Variants in PHF10 observed in about 807,000 individuals in gnomAD.
The protein encoded by PHF10 is PHD finger protein 10, also known as BRG1-associated factor 45a.
PHF10 carries 51 observed loss-of-function variants against 68.5 expected under a neutral mutation model. The observed-to-expected ratio is 0.74, with a 90% CI of 0.59 to 0.94. PHF10 has a LOEUF of 0.94. PHF10 is among the 40% of genes least tolerant of loss of function. The probability of loss-of-function intolerance (pLI) is 0.00; values close to 1 mark genes in which losing one functional copy is unlikely to be tolerated. For missense variants in PHF10, 460 were observed against 602.6 expected (o/e 0.76, Z 2.48); for synonymous variants, 204 against 203.5 (o/e 1.00, Z -0.02).
intron 7 of PHF10, among the ~76,000 whole-genome samples, chr6:169,713,651 G>T (rs1271554102): frequency 2.0e-5 from 3 of 151,312 alleles, no homozygotes; most frequent in African/African-American, 7.3e-5. Context: ...TGCTGCTCAT[G>T]ATTTAAATTT....
chr6:169,706,529 CACATGGA>C (rs1022723808), intron 9 of PHF10, among the ~76,000 whole-genome samples: 25 of 152,030 alleles, frequency 1.6e-4, no homozygotes, highest in African/African-American at 5.8e-4. Flanking sequence ...TATTTGGTTA[CACATGGA>C]AATGACAAAG....
chr6:169,705,480 T>C, intron 10 of PHF10, 136 bp downstream of exon 10: 1 of 708,914 alleles, frequency 1.4e-6, no homozygotes, highest in Non-Finnish European at 2.5e-6. Context: ...ACATGGGCTG[T>C]GTCTATGCCT....
Position 169,716,100 on chromosome 6 carries a change from C to CA in PHF10, c.410-13dup, listed in dbSNP as rs778605441. ...CAATGCTGTTAAGCCTATTTTAGAC[C>CA]AAAAAATAAAAAAATAAAGAAGCTC... is the stretch of plus-strand genomic sequence containing the variant. On this transcript the variant is annotated splice_polypyrimidine_tract_variant and intron_variant, in intron 4 of 11. Coordinates refer to ENST00000339209, the MANE Select transcript of PHF10 (RefSeq NM_018288.4). 3 of 1,517,604 alleles carry CA rather than the reference C, an allele frequency of 2.0e-6. No individual in the cohort carries two copies. The highest frequency in any genetic ancestry group is 8.9e-7 in the Non-Finnish European group (1 of 1,129,672). 94.0% of individuals were successfully genotyped at this position (1,517,604 alleles called of 1,614,324 possible).
chr6:169,722,952 C>G (rs1324080205), intron 1 of PHF10, among the ~76,000 whole-genome samples: 1 of 152,208 alleles, frequency 6.6e-6, no homozygotes, highest in Non-Finnish European at 1.5e-5. Context: ...AATCTAGTTA[C>G]TTCCATTGAC....
intron 7 of PHF10, among the ~76,000 whole-genome samples, chr6:169,713,317 G>A (rs548952175): frequency 1.3e-5 from 2 of 152,274 alleles, no homozygotes; most frequent in East Asian, 1.9e-4. Flanking sequence ...AAAAATTAAA[G>A]GCCGGGTGCA....
chr6:169,705,937 G>T (rs1240103679), intron 9 of PHF10, among the ~76,000 whole-genome samples: 2 of 152,150 alleles, frequency 1.3e-5, no homozygotes, highest in African/African-American at 4.8e-5. Context: ...TAAACAGCAT[G>T]ATCTCGTAAG....
In PHF10 at chr6:169,710,359, T is replaced by C; in HGVS notation, c.990A>G (p.Glu330=). ...AGTCCTCCTGGCTGTCAGGAGGGCTTTCCCCTTCAGATACATTGCCAGAGG... is the reference window on the plus strand; with the variant it reads ...AGTCCTCCTGGCTGTCAGGAGGGCTCTCCCCTTCAGATACATTGCCAGAGG... ...DSSSGNVSEG[E]SPPDSQEDSF... The change falls in exon 9 of 12, where the codon GAA becomes GAG. Residue 330 remains glutamate (E), a synonymous_variant. Transcript: ENST00000339209. 2 of 1,612,154 alleles carry C rather than the reference T, an allele frequency of 1.2e-6. No homozygotes were observed. The highest frequency in any genetic ancestry group is 2.2e-5 in the South Asian group (2 of 91,024).
intron 4 of PHF10, among the ~76,000 whole-genome samples, chr6:169,717,005 G>A (rs896946287): frequency 1.3e-5 from 2 of 152,218 alleles, no homozygotes; most frequent in Non-Finnish European, 2.9e-5. Flanking sequence ...TGTAATCCCA[G>A]CACTTTGGGA....
intron 7 of PHF10, among the ~76,000 whole-genome samples, chr6:169,714,082 C>T (rs1788988960): frequency 6.6e-6 from 1 of 151,992 alleles, no homozygotes; most frequent in Non-Finnish European, 1.5e-5. Context: ...AATCACACTA[C>T]CACACTCCAT....
chr6:169,712,576 T>G, intron 7 of PHF10, 37 bp from the exon 8 acceptor site: 1 of 1,566,104 alleles, frequency 6.4e-7, no homozygotes, highest in Non-Finnish European at 8.7e-7. Context: ...TTTCCCTTTA[T>G]TATTAAATAT....
At chr6:169,717,964 A>T in intron 3 of PHF10, 58 bp from the exon 4 acceptor site, 1 of 752,882 alleles carries the variant, frequency 1.3e-6, no homozygotes, top group Non-Finnish European at 2.2e-6. Flanking sequence ...CACTTGTAAA[A>T]CTTTTAAAAG....
chr6:169,713,676 T>C (rs1234604525), intron 7 of PHF10, among the ~76,000 whole-genome samples: 1 of 149,510 alleles, frequency 6.7e-6, no homozygotes, highest in African/African-American at 2.4e-5. Context: ...TTAAAAAATC[T>C]TTTTTTATTT....
chr6:169,716,419 C>T (rs534329145), intron 4 of PHF10, among the ~76,000 whole-genome samples: 1 of 151,766 alleles, frequency 6.6e-6, no homozygotes, highest in Non-Finnish European at 1.5e-5. Flanking sequence ...ACAAGTACTA[C>T]AGAATACTAG....
At position 169,716,085 on chromosome 6, in the gene PHF10, A is replaced by T; in HGVS notation, c.413T>A (p.Leu138Ter). 6.4e-7 allele frequency: 1 copy of T among 1,574,424 alleles called. No homozygotes were observed. The highest frequency in any genetic ancestry group is 8.6e-7 in the Non-Finnish European group (1 of 1,162,646). The stretch of plus-strand genomic sequence containing the variant: ...CACTTCATCACTGCGCAATGCTGTT[A>T]AGCCTATTTTAGACCAAAAAATAAA... ...VITETQCTLG[L>*]TALRSDEVID... Residue 138 changes from leucine to a stop codon, truncating the protein, a stop_gained, in exon 5 of 12, where the codon TTA becomes TAA. Transcript: ENST00000339209. LOFTEE classifies it high-confidence loss of function.
intron 9 of PHF10, chr6:169,708,080 T>C (rs192092020): frequency 1.3e-5 from 2 of 152,266 alleles, no homozygotes; most frequent in African/African-American, 4.8e-5. Context: ...GTTTAGACAA[T>C]CAGTTCTACT....
At chr6:169,712,951 T>C (rs1174938319) in intron 7 of PHF10, among the ~76,000 whole-genome samples, 3 of 152,196 alleles carry the variant, frequency 2.0e-5, no homozygotes, top group African/African-American at 7.2e-5. Flanking sequence ...AGTTGATATA[T>C]ATGCATTAAC....
intron 9 of PHF10, among the ~76,000 whole-genome samples, chr6:169,706,723 TACATACACACACACACAC>T (rs1406342586): frequency 7.2e-4 from 52 of 72,536 alleles, no homozygotes; most frequent in Admixed American, 5.5e-3. Context: ...CATACATACA[TACATACACACACACACAC>T]ACACACACAC....
At chr6:169,704,992 C>T in intron 11 of PHF10, 141 bp downstream of exon 11, 2 of 538,504 alleles carry the variant, frequency 3.7e-6, no homozygotes, top group South Asian at 8.1e-5. Context: ...TGGACATGAC[C>T]TGTATAATCA....
At chr6:169,718,046 T>TTATAG (rs1789092542) in intron 3 of PHF10, 140 bp from the exon 4 acceptor site, 1 of 469,470 alleles carries the variant, frequency 2.1e-6, no homozygotes, top group Admixed American at 3.9e-5. Context: ...TACAAAAAAA[T>TTATAG]TTATAAATTC....
Sources: allele counts gnomAD v4.1 joint callset (sites outside exome capture counted in the v4.1 genomes callset), GRCh38; gene constraint gnomAD v4.1.1; transcripts MANE v1.5; gene names NCBI Gene and HGNC (gene_info 2026-07-23, HGNC 2026-07-21).